Variants in MRTFB observed in about 807,000 individuals in gnomAD.
MRTFB encodes the protein myocardin related transcription factor B, also known as myocardin-related transcription factor B.
In MRTFB, 29 loss-of-function variants were observed where a neutral mutation model predicts 104.2. The observed-to-expected ratio is 0.28, with a 90% confidence interval of 0.21 to 0.38. The LOEUF is 0.38. Ranked by LOEUF, MRTFB falls within the 10% of genes least tolerant of loss-of-function variation. The probability of loss-of-function intolerance (pLI) is 1.00; values close to 1 mark genes in which losing one functional copy is unlikely to be tolerated. For missense variants in MRTFB, 1,270 were observed against 1,341.6 expected (o/e 0.95, Z 0.83); for synonymous variants, 535 against 519.5 (o/e 1.03, Z -0.41).
chr16:14,050,773 G>C, the MRTFB span, among the ~76,000 whole-genome samples: 1 of 151,996 alleles, frequency 6.6e-6, no homozygotes, highest in African/African-American at 2.4e-5. Context: ...ACAAAATGGA[G>C]ATAACACAGC....
At chr16:14,222,453 C>T (rs1425710587) in intron 8 of MRTFB, among the ~76,000 whole-genome samples, 3 of 151,918 alleles carry the variant, frequency 2.0e-5, no homozygotes, top group Non-Finnish European at 4.4e-5. Flanking sequence ...CACCAGCTAT[C>T]GTTAATGTTA....
At chr16:14,245,724 C>G in intron 11 of MRTFB, 64 bp downstream of exon 11, 2 of 1,543,178 alleles carry the variant, frequency 1.3e-6, no homozygotes, top group Non-Finnish European at 1.8e-6. Context: ...GATTTGCCAG[C>G]GTTGTCTAGC....
intron 3 of MRTFB, among the ~76,000 whole-genome samples, chr16:14,155,631 A>T (rs1330344847): frequency 6.6e-6 from 1 of 152,146 alleles, no homozygotes; most frequent in African/African-American, 2.4e-5. Flanking sequence ...CCTTTCTTAA[A>T]TTTTTTAGGA....
chr16:14,187,907 C>G (rs986538266), intron 3 of MRTFB, among the ~76,000 whole-genome samples: 3 of 152,166 alleles, frequency 2.0e-5, no homozygotes, highest in Non-Finnish European at 2.9e-5. Flanking sequence ...CCCCCTTTTT[C>G]AGCCTCTGCT....
At chr16:13,997,859 G>A in the MRTFB span, among the ~76,000 whole-genome samples, 1 of 151,474 alleles carries the variant, frequency 6.6e-6, no homozygotes, top group Admixed American at 6.6e-5. Flanking sequence ...CCTACGTTGT[G>A]CTAGACACAG....
In MRTFB at chr16:14,160,537, A is replaced by G. The variant is rs546486975; in HGVS notation, c.154+19777A>G. 7.2e-5 allele frequency among the ~76,000 whole-genome samples: 11 copies of G among 152,298 alleles called. No homozygotes were observed. The Middle Eastern group carries it at 0.024, about 330-fold the overall frequency. ...ATTAATAAGTAATGTGTGGGATAAT[A>G]CCTTGAGACTATAAGACTATTCTGT... On this transcript the variant is annotated intron_variant, in intron 3 of 16. Coordinates refer to ENST00000571589, the MANE Select transcript of MRTFB (RefSeq NM_001308142.2).
intron 3 of MRTFB, among the ~76,000 whole-genome samples, chr16:14,147,067 A>G (rs1012097709): frequency 3.3e-5 from 5 of 152,202 alleles, no homozygotes; most frequent in Admixed American, 2.0e-4. Flanking sequence ...TTTGCTGTTA[A>G]CATATTTAGG....
chr16:14,030,239 T>A, the MRTFB span, among the ~76,000 whole-genome samples: 1 of 152,160 alleles, frequency 6.6e-6, no homozygotes, highest in African/African-American at 2.4e-5. Context: ...AATGAGGACA[T>A]TGATGCCCAC....
intron 8 of MRTFB, among the ~76,000 whole-genome samples, chr16:14,221,728 C>T (rs1204340507): frequency 4.0e-5 from 6 of 150,412 alleles, no homozygotes; most frequent in Non-Finnish European, 5.9e-5. Context: ...GACCAGTCCT[C>T]GAATTGGCTG....
chr16:14,117,599 G>A (rs911071895), intron 2 of MRTFB, among the ~76,000 whole-genome samples: 2 of 152,192 alleles, frequency 1.3e-5, no homozygotes, highest in Non-Finnish European at 2.9e-5. Flanking sequence ...GCACATTGTA[G>A]GCATTTAAAA....
chr16:14,074,065 C>CTTT (rs5815814), intron 1 of MRTFB, among the ~76,000 whole-genome samples: 158 of 151,774 alleles, frequency 1.0e-3, no homozygotes, highest in African/African-American at 3.4e-3. Context: ...GTTTATTTGG[C>CTTT]TTTTTTTTGT....
chr16:14,159,828 G>A (rs1455286475), intron 3 of MRTFB, among the ~76,000 whole-genome samples: 1 of 148,840 alleles, frequency 6.7e-6, no homozygotes, highest in Non-Finnish European at 1.5e-5. Flanking sequence ...TACTCGGGAG[G>A]CTGAGGCAGG....
At chr16:14,253,715 T>C (rs2043351788) in intron 15 of MRTFB, among the ~76,000 whole-genome samples, 1 of 152,178 alleles carries the variant, frequency 6.6e-6, no homozygotes, top group South Asian at 2.1e-4. Flanking sequence ...GGGCTGCCTC[T>C]TGGAGGAAGT....
intron 9 of MRTFB, among the ~76,000 whole-genome samples, 157 bp downstream of exon 9, chr16:14,234,440 G>T (rs1021900636): frequency 7.9e-5 from 12 of 152,120 alleles, no homozygotes; most frequent in African/African-American, 2.9e-4. Context: ...GCTAGACTGG[G>T]GTCTTCATGT....
At chr16:14,101,206 CCTCT>C (rs1826427440) in intron 2 of MRTFB, among the ~76,000 whole-genome samples, 1 of 141,370 alleles carries the variant, frequency 7.1e-6, no homozygotes, top group Admixed American at 7.5e-5. Flanking sequence ...TGAGCTGTTT[CCTCT>C]CTAAGACATA....
intron 8 of MRTFB, among the ~76,000 whole-genome samples, chr16:14,222,708 G>C (rs141421819): frequency 6.6e-6 from 1 of 151,626 alleles, no homozygotes; most frequent in African/African-American, 2.4e-5. Context: ...GCAACATAGC[G>C]ACACCTTGAA....
chr16:14,263,136 G>C lies in MRTFB; in HGVS notation c.*1692G>C, dbSNP rs1249061477. On this transcript the variant is annotated 3_prime_UTR_variant, in exon 17 of 17. Coordinates refer to ENST00000571589, the MANE Select transcript of MRTFB (RefSeq NM_001308142.2). ...ACTTCCTGACTCAAAGGCACTAACA[G>C]TGCTCATGTGCCTTCCAGACGGTTC... 1.3e-5 allele frequency: 2 copies of C among 152,256 alleles called. No individual in the cohort carries two copies. Among genetic ancestry groups the C allele is most frequent in the African/African-American group, 4.8e-5 (2 of 41,472 alleles). 9.4% of individuals were successfully genotyped at this position (152,256 alleles called of 1,614,324 possible). A position where few individuals can be genotyped will look rare whatever the true frequency, so the allele number is the denominator to read the frequency against.
At chr16:14,219,858 T>G (rs768364936) in intron 8 of MRTFB, among the ~76,000 whole-genome samples, 3 of 152,148 alleles carry the variant, frequency 2.0e-5, no homozygotes, top group African/African-American at 7.2e-5. Context: ...AAGAGCTACT[T>G]TGGAGAGGGA....
chr16:14,184,072 T>TAAA (rs71757134), intron 3 of MRTFB, among the ~76,000 whole-genome samples: 8,508 of 121,736 alleles, frequency 0.07, 515 homozygotes, highest in African/African-American at 0.15. Context: ...TCCTGAAATT[T>TAAA]AAAAAAAAAA....
Sources: gnomAD v4.1 joint callset for allele counts (sites outside exome capture counted in the v4.1 genomes callset) on GRCh38, gnomAD v4.1.1 for gene constraint, MANE v1.5 for transcripts, NCBI Gene and HGNC (gene_info 2026-07-23, HGNC 2026-07-21) for gene names.